LRP1B: variants seen among roughly 807,000 people sequenced by gnomAD.
LRP1B encodes low-density lipoprotein receptor-related protein 1B.
In LRP1B, 217 loss-of-function variants were observed where a neutral mutation model predicts 556.6. That is an observed-to-expected ratio of 0.39 (90% confidence interval 0.35 to 0.44). LRP1B has a LOEUF of 0.44. Ranked by LOEUF, LRP1B falls within the 20% of genes least tolerant of loss-of-function variation. The pLI, the probability that LRP1B is intolerant of heterozygous loss-of-function variation, is 1.00. For synonymous variants in LRP1B, 2,047 were observed against 1,865.8 expected, an observed-to-expected ratio of 1.10 and a Z score of -2.50; for missense variants, 5,053 against 5,620.8, an observed-to-expected ratio of 0.90 and a Z score of 3.23.
intron 7 of LRP1B, among the ~76,000 whole-genome samples, chr2:141,149,187 T>A (rs975030486): frequency 2.7e-5 from 4 of 150,120 alleles, no homozygotes; most frequent in African/African-American, 9.9e-5. Flanking sequence ...ATAAAAAGGG[T>A]TTTTTTTGTT....
intron 2 of LRP1B, among the ~76,000 whole-genome samples, chr2:141,634,544 A>G (rs1342897692): frequency 2.6e-5 from 4 of 151,960 alleles, no homozygotes; most frequent in Admixed American, 6.6e-5. Context: ...CTTAATCTTA[A>G]TCTATTGTTC....
chr2:140,560,899 C>CTA (rs1680905291), intron 43 of LRP1B, among the ~76,000 whole-genome samples: 1 of 152,028 alleles, frequency 6.6e-6, no homozygotes, highest in Non-Finnish European at 1.5e-5. Flanking sequence ...GTTGGAACAA[C>CTA]TATATATATA....
At chr2:141,415,465 A>G (rs963952781) in intron 3 of LRP1B, among the ~76,000 whole-genome samples, 3 of 152,174 alleles carry the variant, frequency 2.0e-5, no homozygotes, top group Admixed American at 6.5e-5. Context: ...TGTATATACT[A>G]TTGTGCCCAG....
chr2:141,408,538 T>C (rs772067514), intron 3 of LRP1B, among the ~76,000 whole-genome samples: 5 of 152,038 alleles, frequency 3.3e-5, no homozygotes, highest in Non-Finnish European at 5.9e-5. Flanking sequence ...AAGGTCCTTA[T>C]TTAGCAAAAA....
rs1687155737 is a variant in LRP1B, at chr2:140,457,631, C to T, written c.9646G>A (p.Gly3216Arg). The change falls in exon 61 of 91, where the codon GGG becomes AGG. Residue 3216 changes from glycine to arginine, a missense_variant. By Grantham distance (125) the Gly-to-Arg change is moderately radical (BLOSUM62 -2). Around this residue, in one of 5 missense-constraint regions of LRP1B, gnomAD observed 262 missense variants for 395.1 expected, o/e 0.66. Coordinates refer to ENST00000389484, the MANE Select transcript of LRP1B (RefSeq NM_018557.3). ...RHKVPNQDIPGVIALTLFEDY... is the reference protein window; with the variant it reads ...RHKVPNQDIPRVIALTLFEDY... ...TCAAACAATGTTAGTGCAATCACCC[C>T]TGGAATATCTTGATTAGGGACTGTA... 6.2e-7 allele frequency: 1 copy of T among 1,613,190 alleles called. No individual in the cohort carries two copies. The highest frequency in any genetic ancestry group is 1.7e-5 in the Admixed American group (1 of 59,946).
At chr2:141,808,929 T>C (rs1444902735) in intron 2 of LRP1B, among the ~76,000 whole-genome samples, 1 of 152,140 alleles carries the variant, frequency 6.6e-6, no homozygotes, top group African/African-American at 2.4e-5. Context: ...GAGTACTTCA[T>C]TCCTTTTCAT....
At position 140,701,833 on chromosome 2, in the gene LRP1B, G is replaced by C. The variant is rs1028832478; in HGVS notation, c.6315C>G (p.Asn2105Lys). The C allele has an allele frequency of 1.2e-6, 2 of 1,612,906 alleles. No individual in the cohort carries two copies. The highest frequency in any genetic ancestry group is 4.5e-5 in the East Asian group (2 of 44,852). ...YIYWSDRAHA[N>K]GSVRRGHKND... is the part of the protein sequence containing the mutation. Reference sequence around the variant, plus strand: ...TCTTGTGGCCCCTTCTGACAGACCCGTTTGCATGTGCTCTGCCAAAAAGTT... The same window carrying C: ...TCTTGTGGCCCCTTCTGACAGACCCCTTTGCATGTGCTCTGCCAAAAAGTT... Residue 2105 changes from asparagine to lysine, a missense_variant, in exon 40 of 91, where the codon AAC (asparagine) becomes AAG (lysine). Coordinates refer to ENST00000389484, the MANE Select transcript of LRP1B (RefSeq NM_018557.3).
At chr2:140,734,834 C>T (rs993279438) in intron 35 of LRP1B, among the ~76,000 whole-genome samples, 5 of 152,156 alleles carry the variant, frequency 3.3e-5, no homozygotes, top group African/African-American at 1.2e-4. Flanking sequence ...TGACTCTCCA[C>T]CAGCCTTGCT....
intron 43 of LRP1B, among the ~76,000 whole-genome samples, chr2:140,590,619 G>A (rs1682184882): frequency 6.6e-6 from 1 of 151,862 alleles, no homozygotes; most frequent in Non-Finnish European, 1.5e-5. Flanking sequence ...ATCAAGGGAA[G>A]GCCACGTGAA....
intron 2 of LRP1B, among the ~76,000 whole-genome samples, chr2:141,487,822 GC>G (rs1683176888): frequency 1.3e-5 from 2 of 152,278 alleles, no homozygotes; most frequent in South Asian, 4.1e-4. Flanking sequence ...ACAGTGAAAA[GC>G]ATGTTAAGGT....
At chr2:140,665,703 T>C (rs1421449206) in intron 41 of LRP1B, among the ~76,000 whole-genome samples, 1 of 152,164 alleles carries the variant, frequency 6.6e-6, no homozygotes, top group Non-Finnish European at 1.5e-5. Context: ...TGAATTTACA[T>C]GATGGCATAT....
chr2:140,838,795 A>G lies in LRP1B; in HGVS notation c.5209+1196T>C, dbSNP rs530350738. 7.2e-5 allele frequency among the ~76,000 whole-genome samples: 11 copies of G among 152,302 alleles called. No homozygotes were observed. The South Asian group carries it at 2.3e-3, about 32-fold the overall frequency. On this transcript the variant is annotated intron_variant, in intron 31 of 90. Coordinates refer to ENST00000389484, the MANE Select transcript of LRP1B (RefSeq NM_018557.3). ...TTCTGAAATGACAAATAGGCCCTGT[A>G]ACAATTTTTGCTTCTCAAAGGTATG... is the stretch of plus-strand genomic sequence containing the variant.
chr2:140,936,287 C>G (rs113899577), intron 20 of LRP1B, among the ~76,000 whole-genome samples: 3 of 129,822 alleles, frequency 2.3e-5, no homozygotes, highest in African/African-American at 8.8e-5. Context: ...TTGCAGTGAG[C>G]TGAGATTGTG....
chr2:141,432,756 C>T (rs1680607633), intron 3 of LRP1B, among the ~76,000 whole-genome samples: 1 of 151,850 alleles, frequency 6.6e-6, no homozygotes, highest in South Asian at 2.1e-4. Context: ...ATGATGTCCC[C>T]TCCTTTACTC....
rs1016142760 is a variant in LRP1B at position 140,898,890 on chromosome 2, A to G, written c.3766+4030T>C. The G allele has an allele frequency of 2.0e-5, 8 of 397,710 alleles. No individual in the cohort carries two copies. In the Admixed American group the frequency reaches 2.5e-4, roughly 12 times the overall value. The allele number at this position is 397,710 out of a possible 1,614,324, so 24.6% of individuals were successfully genotyped here. A position where few individuals can be genotyped will look rare whatever the true frequency, so the allele number is the denominator to read the frequency against. On this transcript the variant is annotated intron_variant, in intron 23 of 90. Coordinates refer to ENST00000389484, the MANE Select transcript of LRP1B (RefSeq NM_018557.3). Reference sequence around the variant, plus strand: ...TAGTAGGAGAGCTGCAGGTCATCAAACTCATCCTCAACTGGAAGAAGATAT... The same window carrying G: ...TAGTAGGAGAGCTGCAGGTCATCAAGCTCATCCTCAACTGGAAGAAGATAT...
intron 43 of LRP1B, among the ~76,000 whole-genome samples, chr2:140,556,813 T>C (rs1335937076): frequency 1.3e-5 from 2 of 152,032 alleles, no homozygotes; most frequent in Non-Finnish European, 2.9e-5. Context: ...ATCTAAAATG[T>C]TTACTTTACT....
intron 23 of LRP1B, among the ~76,000 whole-genome samples, chr2:140,897,960 A>G (rs1376864041): frequency 6.6e-6 from 1 of 152,078 alleles, no homozygotes; most frequent in African/African-American, 2.4e-5. Context: ...TCATGTATTC[A>G]TCTATCCTAT....
chr2:141,681,648 A>G (rs1691108746), intron 2 of LRP1B, among the ~76,000 whole-genome samples: 1 of 152,180 alleles, frequency 6.6e-6, no homozygotes, highest in Non-Finnish European at 1.5e-5. Context: ...AAGTCAGAAC[A>G]AAGTTAATTT....
intron 3 of LRP1B, among the ~76,000 whole-genome samples, chr2:141,266,633 C>T (rs1684901793): frequency 6.6e-6 from 1 of 152,150 alleles, no homozygotes; most frequent in African/African-American, 2.4e-5. Context: ...CCAACCACCT[C>T]AACTCATTGG....
Sources: allele counts gnomAD v4.1 joint callset (sites outside exome capture counted in the v4.1 genomes callset), GRCh38; gene constraint gnomAD v4.1.1; regional missense constraint gnomAD v4.1.1; transcripts MANE v1.5; gene names NCBI Gene and HGNC (gene_info 2026-07-23, HGNC 2026-07-21).